The following SGCE variants were observed in gnomAD, a reference collection of about 807,000 sequenced individuals.
SGCE encodes sarcoglycan epsilon.
SGCE carries 26 observed loss-of-function variants against 57.8 expected under a neutral mutation model. The ratio of observed to expected loss-of-function variants is 0.45; its 90% CI spans 0.33 to 0.62. The LOEUF is 0.62. Ranked by LOEUF, SGCE falls within the 20% of genes least tolerant of loss-of-function variation. SGCE has a pLI of 0.02. For missense variants in SGCE, 468 were observed against 548.6 expected (o/e 0.85, Z 1.47); for synonymous variants, 183 against 189.5 (o/e 0.97, Z 0.28).
At chr7:94,602,688 A>C (rs1315757772) in intron 6 of SGCE, among the ~76,000 whole-genome samples, 1 of 152,172 alleles carries the variant, frequency 6.6e-6, no homozygotes, top group East Asian at 1.9e-4. Flanking sequence ...ACATATGTAA[A>C]ATATTACACA....
At chr7:94,598,531 A>G (rs1018186050) in intron 9 of SGCE, 8 of 470,692 alleles carry the variant, frequency 1.7e-5, no homozygotes, top group South Asian at 2.6e-5. Context: ...ATCAGTGTCA[A>G]TTTCTTAAAT....
At chr7:94,598,631 G>T (rs747087716) in intron 9 of SGCE, 144 bp downstream of exon 9, 1 of 718,490 alleles carries the variant, frequency 1.4e-6, no homozygotes, top group Non-Finnish European at 2.5e-6. Flanking sequence ...AGGAGAGTAG[G>T]GGTGAGATTT....
At chr7:94,614,107 CAAAAAAAAAA>C (rs925650428) in intron 5 of SGCE, among the ~76,000 whole-genome samples, 15 of 94,964 alleles carry the variant, frequency 1.6e-4, no homozygotes, top group African/African-American at 7.3e-4. Context: ...AAATTGAAAT[CAAAAAAAAAA>C]AAAAAAAAAA....
chr7:94,592,951 G>A (rs903774144), intron 9 of SGCE, among the ~76,000 whole-genome samples: 2 of 152,134 alleles, frequency 1.3e-5, no homozygotes, highest in East Asian at 3.9e-4. Context: ...ATATATTTTT[G>A]GAAAACAATG....
chr7:94,649,762 CT>C (rs1191950177), intron 1 of SGCE, among the ~76,000 whole-genome samples: 2 of 152,138 alleles, frequency 1.3e-5, no homozygotes, highest in Admixed American at 1.3e-4. Flanking sequence ...CATTTCTGAC[CT>C]AACAACTGGA....
At chr7:94,646,497 CTT>C (rs911678538) in intron 1 of SGCE, among the ~76,000 whole-genome samples, 1 of 152,174 alleles carries the variant, frequency 6.6e-6, no homozygotes, top group East Asian at 1.9e-4. Context: ...CCAGTGGAAA[CTT>C]TAACAAAAAC....
At chr7:94,630,232 T>C (rs1392146105) in intron 1 of SGCE, among the ~76,000 whole-genome samples, 2 of 151,898 alleles carry the variant, frequency 1.3e-5, no homozygotes, top group Middle Eastern at 3.2e-3. Context: ...TTTTTTCTTC[T>C]TTCCTTTTTT....
chr7:94,631,246 C>T (rs557176522), intron 1 of SGCE, among the ~76,000 whole-genome samples: 8 of 151,610 alleles, frequency 5.3e-5, no homozygotes, highest in Middle Eastern at 3.4e-3. Flanking sequence ...TCCCATTCCG[C>T]GAAACAAGAA....
chr7:94,611,697 A>T (rs1165062601), intron 5 of SGCE, among the ~76,000 whole-genome samples: 4 of 152,220 alleles, frequency 2.6e-5, no homozygotes, highest in Non-Finnish European at 5.9e-5. Context: ...ATGAAATGAA[A>T]TAAAAGTACA....
At position 94,618,828 on chromosome 7, in the gene SGCE, C is replaced by G; in HGVS notation, c.592G>C (p.Ala198Pro). The G allele has an allele frequency of 6.2e-7, 1 of 1,614,020 alleles. No homozygotes were observed. Among genetic ancestry groups the G allele is most frequent in the Non-Finnish European group, 8.5e-7 (1 of 1,179,966 alleles). The change falls in exon 5 of 11, where the codon GCC becomes CCC. Residue 198 changes from alanine to proline, a missense_variant. Coordinates refer to ENST00000648936, the MANE Select transcript of SGCE (RefSeq NM_003919.3). ...KNVWQPERLN[A>P]INITSALDRG... ...TCTAGGGCCGATGTGATGTTTATGGCGTTCAGGCGCTCTGGCTGCCACACA... is the reference window on the plus strand; with the variant it reads ...TCTAGGGCCGATGTGATGTTTATGGGGTTCAGGCGCTCTGGCTGCCACACA...
At chr7:94,623,273 T>C (rs1377644833) in intron 4 of SGCE, 52 bp downstream of exon 4, 2 of 1,141,468 alleles carry the variant, frequency 1.8e-6, no homozygotes, top group Non-Finnish European at 2.6e-6. Context: ...TTATAAAACA[T>C]AATGAAATAC....
intron 1 of SGCE, chr7:94,639,342 A>C (rs1358042054): frequency 6.6e-7 from 1 of 1,521,746 alleles, no homozygotes; most frequent in Non-Finnish European, 8.8e-7. Context: ...TAAACTCACC[A>C]TCTTTCATCC....
chr7:94,590,309 C>T (rs1797502612), intron 9 of SGCE, among the ~76,000 whole-genome samples: 1 of 152,100 alleles, frequency 6.6e-6, no homozygotes, highest in African/African-American at 2.4e-5. Context: ...CCTTCCTATG[C>T]ATCCTCACTC....
Position 94,611,295 on chromosome 7 carries a change from T to G in SGCE, c.662+7463A>C, listed in dbSNP as rs188825655. 7.9e-5 allele frequency among the ~76,000 whole-genome samples: 12 copies of G among 152,280 alleles called. No individual in the cohort carries two copies. In the South Asian group the frequency reaches 1.5e-3, roughly 18 times the overall value. The stretch of plus-strand genomic sequence containing the variant: ...AACAAAAGATGGCATATCCATAAAA[T>G]AGAATATTATTCCATGATTAAAAAT... On this transcript the variant is annotated intron_variant, in intron 5 of 10. Transcript: ENST00000648936.
chr7:94,591,537 A>G (rs1204575641), intron 9 of SGCE, among the ~76,000 whole-genome samples: 1 of 152,230 alleles, frequency 6.6e-6, no homozygotes, highest in East Asian at 1.9e-4. Context: ...GGTAGTGGTT[A>G]GTAAACAAAG....
At chr7:94,610,588 T>C (rs1482489438) in intron 5 of SGCE, among the ~76,000 whole-genome samples, 1 of 152,142 alleles carries the variant, frequency 6.6e-6, no homozygotes, top group African/African-American at 2.4e-5. Context: ...AATATGACCT[T>C]GGATTAGGCA....
In SGCE at chr7:94,643,023, T is replaced by C. The variant is rs532215977; in HGVS notation, c.109+12967A>G. Among the ~76,000 whole-genome samples the C allele has an allele frequency of 3.3e-5, 5 of 152,338 alleles. No individual in the cohort carries two copies. In the East Asian group the frequency reaches 9.6e-4, roughly 29 times the overall value. On this transcript the variant is annotated intron_variant, in intron 1 of 10. Coordinates refer to ENST00000648936, the MANE Select transcript of SGCE (RefSeq NM_003919.3). ...TCCATTTCTCCATGAACTGGGTAGT[T>C]ACCATAAAGAAAGAATGGGGTGAGT...
At chr7:94,651,063 T>C (rs1433314045) in intron 1 of SGCE, among the ~76,000 whole-genome samples, 6 of 152,240 alleles carry the variant, frequency 3.9e-5, no homozygotes, top group Non-Finnish European at 8.8e-5. Flanking sequence ...GACACTATAC[T>C]ACTACCAGAA....
intron 1 of SGCE, among the ~76,000 whole-genome samples, chr7:94,648,308 G>A (rs1807388954): frequency 6.7e-6 from 1 of 148,682 alleles, no homozygotes; most frequent in Admixed American, 6.8e-5. Flanking sequence ...CCGGGAGGCG[G>A]AGGTTGCAGT....
Sources: gnomAD v4.1 joint callset for allele counts (sites outside exome capture counted in the v4.1 genomes callset) on GRCh38, gnomAD v4.1.1 for gene constraint, MANE v1.5 for transcripts, NCBI Gene and HGNC (gene_info 2026-07-23, HGNC 2026-07-21) for gene names.